The following TRPM3 variants were observed in gnomAD, a reference collection of about 807,000 sequenced individuals.
TRPM3 encodes the protein long transient receptor potential channel 3.
TRPM3 carries 77 observed loss-of-function variants against 181.2 expected under a neutral mutation model. The ratio of observed to expected loss-of-function variants is 0.42; its 90% confidence interval spans 0.35 to 0.51. The LOEUF is 0.51. TRPM3 is among the 20% of genes least tolerant of loss of function. The probability of loss-of-function intolerance (pLI) is 0.01; values close to 1 mark genes in which losing one functional copy is unlikely to be tolerated. For synonymous variants in TRPM3, 745 were observed against 796.4 expected, an observed-to-expected ratio of 0.94 and a Z score of 1.09; for missense variants, 1,759 against 2,196.7, an observed-to-expected ratio of 0.80 and a Z score of 3.98.
intron 1 of TRPM3, among the ~76,000 whole-genome samples, chr9:71,251,499 T>C (rs968798603): frequency 2.6e-5 from 4 of 152,178 alleles, no homozygotes; most frequent in Non-Finnish European, 5.9e-5. Context: ...TATAGTTTAA[T>C]ATTAATTCAT....
intron 1 of TRPM3, among the ~76,000 whole-genome samples, chr9:71,402,956 T>C (rs1055313831): frequency 2.6e-5 from 4 of 152,204 alleles, no homozygotes; most frequent in African/African-American, 7.2e-5. Flanking sequence ...GCAAAAGTTA[T>C]AAAGAGATGA....
At chr9:70,884,892 T>C (rs1423272415) in intron 1 of TRPM3, among the ~76,000 whole-genome samples, 3 of 152,202 alleles carry the variant, frequency 2.0e-5, no homozygotes, top group Non-Finnish European at 4.4e-5. Context: ...TCATAGATTC[T>C]GAATCTGTAG....
At chr9:70,795,283 A>G (rs558914932) in intron 6 of TRPM3, among the ~76,000 whole-genome samples, 5 of 152,246 alleles carry the variant, frequency 3.3e-5, no homozygotes, top group Non-Finnish European at 7.3e-5. Flanking sequence ...TGAATAATAC[A>G]TGAATTATTA....
chr9:71,316,231 A>G (rs891233367), intron 1 of TRPM3, among the ~76,000 whole-genome samples: 3 of 152,124 alleles, frequency 2.0e-5, no homozygotes, highest in African/African-American at 7.2e-5. Flanking sequence ...TCTGTTGATA[A>G]TTTTGTTTTT....
At chr9:70,761,354 G>A (rs938387005) in intron 8 of TRPM3, 5 of 641,058 alleles carry the variant, frequency 7.8e-6, no homozygotes, top group Non-Finnish European at 1.4e-5. Context: ...GGCAGTCAGA[G>A]CGTTTGGATG....
chr9:70,858,477 C>T (rs942180151), intron 3 of TRPM3, among the ~76,000 whole-genome samples: 1 of 152,076 alleles, frequency 6.6e-6, no homozygotes, highest in South Asian at 2.1e-4. Context: ...CAGCTCCACC[C>T]CTTTGCCCAG....
intron 1 of TRPM3, among the ~76,000 whole-genome samples, chr9:71,266,882 A>C (rs1157373134): frequency 6.6e-6 from 1 of 151,810 alleles, no homozygotes; most frequent in African/African-American, 2.4e-5. Flanking sequence ...TTTTGTGGCT[A>C]GATTATTTTA....
At chr9:70,673,510 G>A (rs952865387) in intron 9 of TRPM3, among the ~76,000 whole-genome samples, 1 of 152,172 alleles carries the variant, frequency 6.6e-6, no homozygotes, top group Non-Finnish European at 1.5e-5. Context: ...TCCACCTACA[G>A]TTTACCAACC....
At chr9:71,102,723 G>A (rs531515319) in intron 1 of TRPM3, among the ~76,000 whole-genome samples, 1 of 152,122 alleles carries the variant, frequency 6.6e-6, no homozygotes, top group East Asian at 1.9e-4. Flanking sequence ...CTGCTTTCTT[G>A]AATATCTGGT....
At chr9:71,232,687 A>T (rs942298227) in intron 1 of TRPM3, among the ~76,000 whole-genome samples, 1 of 151,498 alleles carries the variant, frequency 6.6e-6, no homozygotes, top group Admixed American at 6.6e-5. Context: ...TTTTAACAGA[A>T]ATGGGGTTTC....
In TRPM3 at chr9:71,132,954, C is replaced by T. The variant is rs138413447; in HGVS notation, c.184-268443G>A. 3.7e-4 allele frequency among the ~76,000 whole-genome samples: 56 copies of T among 152,152 alleles called. 1 individual carries two copies. The highest frequency in any genetic ancestry group is 1.2e-3 in the African/African-American group (49 of 41,536). ...ATAATGCTATTATGGATATATAGTA[C>T]AGTACTCAATCATATGTTTTTGTGC... On this transcript the variant is annotated intron_variant, in intron 1 of 24. Transcript: ENST00000357533.
rs529012757 is a variant in TRPM3 at position 71,079,811 on chromosome 9, T to G, written c.177+41367A>C. 3.1e-3 allele frequency among the ~76,000 whole-genome samples: 474 copies of G among 152,226 alleles called. 2 individuals are homozygous for G. Among genetic ancestry groups the G allele is most frequent in the African/African-American group, 0.011 (449 of 41,540 alleles). On this transcript the variant is annotated intron_variant, in intron 1 of 25. Transcript: ENST00000677713. ...GGCTCCTATATCCTGAAATGGACTT[T>G]CCGCACTGCCCACATTACCCCCAGT...
intron 1 of TRPM3, among the ~76,000 whole-genome samples, chr9:71,444,907 G>T (rs2094183440): frequency 6.6e-6 from 1 of 152,184 alleles, no homozygotes; most frequent in South Asian, 2.1e-4. Context: ...TATCAAACTT[G>T]CCATGCAATG....
At chr9:71,063,732 G>C (rs372519994) in intron 1 of TRPM3, among the ~76,000 whole-genome samples, 1 of 152,236 alleles carries the variant, frequency 6.6e-6, no homozygotes, top group East Asian at 1.9e-4. Context: ...TGGAAATGTA[G>C]ACTGAGAACA....
intron 8 of TRPM3, among the ~76,000 whole-genome samples, chr9:70,758,848 T>G (rs552646117): frequency 2.8e-4 from 43 of 152,292 alleles, no homozygotes; most frequent in African/African-American, 9.9e-4. Flanking sequence ...GATTAAAGAC[T>G]TAAATGTTGG....
chr9:70,909,251 G>A (rs2096509361), intron 1 of TRPM3, among the ~76,000 whole-genome samples: 1 of 152,200 alleles, frequency 6.6e-6, no homozygotes, highest in Admixed American at 6.5e-5. Flanking sequence ...GAAGAAAAAG[G>A]ATTTGTAAGC....
At chr9:71,106,210 G>A (rs2069514977) in intron 1 of TRPM3, among the ~76,000 whole-genome samples, 1 of 152,122 alleles carries the variant, frequency 6.6e-6, no homozygotes, top group African/African-American at 2.4e-5. Flanking sequence ...TTTGCTCAGT[G>A]ATACGCCACT....
In TRPM3 at chr9:70,870,202, G is replaced by T. The variant is rs533840948; in HGVS notation, c.178-5691C>A. 9.2e-5 allele frequency among the ~76,000 whole-genome samples: 14 copies of T among 152,134 alleles called. No individual in the cohort carries two copies. The South Asian group carries it at 2.7e-3, about 29-fold the overall frequency. On this transcript the variant is annotated intron_variant, in intron 1 of 25. Transcript: ENST00000677713. Reference sequence around the variant, plus strand: ...ATAAGCATAATACTGGGAAACGAATGACTTATTTCAAACTTGAATTCGGTC... The same window carrying T: ...ATAAGCATAATACTGGGAAACGAATTACTTATTTCAAACTTGAATTCGGTC...
chr9:70,891,930 C>T (rs1231623778), intron 1 of TRPM3, among the ~76,000 whole-genome samples: 2 of 152,136 alleles, frequency 1.3e-5, no homozygotes, highest in Admixed American at 6.6e-5. Context: ...TAGGCGCTTA[C>T]CATATCCCAG....
Sources: allele counts gnomAD v4.1 joint callset (sites outside exome capture counted in the v4.1 genomes callset), GRCh38; gene constraint gnomAD v4.1.1; transcripts MANE v1.5; gene names NCBI Gene and HGNC (gene_info 2026-07-23, HGNC 2026-07-21).